The following IFT122 variants were observed in gnomAD, a reference collection of about 807,000 sequenced individuals.
The protein encoded by IFT122 is intraflagellar transport 122, also known as intraflagellar transport protein 122 homolog.
IFT122 carries 118 observed loss-of-function variants against 161.6 expected under a neutral mutation model. The observed-to-expected ratio is 0.73, with a 90% confidence interval of 0.63 to 0.85. IFT122 has a LOEUF of 0.85. IFT122 is among the 40% of genes least tolerant of loss of function. The pLI, the probability that IFT122 is intolerant of heterozygous loss-of-function variation, is 0.00. For synonymous variants in IFT122, 550 were observed against 602.4 expected, an observed-to-expected ratio of 0.91 and a Z score of 1.27; for missense variants, 1,381 against 1,579.6, an observed-to-expected ratio of 0.87 and a Z score of 2.13.
intron 1 of IFT122, among the ~76,000 whole-genome samples, chr3:129,443,384 A>G (rs779429658): frequency 6.6e-6 from 1 of 152,170 alleles, no homozygotes; most frequent in Non-Finnish European, 1.5e-5. Flanking sequence ...TCTTTTATAA[A>G]AAGAGGCAGG....
chr3:129,472,869 C>A (rs1031919920), intron 9 of IFT122, among the ~76,000 whole-genome samples: 3 of 152,144 alleles, frequency 2.0e-5, no homozygotes, highest in Non-Finnish European at 2.9e-5. Context: ...TTCTTAAGCT[C>A]ATTCAGTGTG....
At chr3:129,443,150 C>A (rs2073493451) in intron 1 of IFT122, among the ~76,000 whole-genome samples, 1 of 152,202 alleles carries the variant, frequency 6.6e-6, no homozygotes, top group Non-Finnish European at 1.5e-5. Flanking sequence ...TTGGAATTTT[C>A]ATCTCATTTA....
In IFT122 at chr3:129,464,503, A is replaced by G. The variant is rs1577403267; in HGVS notation, c.417-132A>G. 3.8e-6 allele frequency: 4 copies of G among 1,042,212 alleles called. No homozygotes were observed. In the East Asian group the frequency reaches 7.1e-5, roughly 19 times the overall value. The allele number at this position is 1,042,212 out of a possible 1,614,324, so 64.6% of individuals were successfully genotyped here. A position where few individuals can be genotyped will look rare whatever the true frequency, so the allele number is the denominator to read the frequency against. ...CTCTGACTTTATGTCAGGACCGGCAATAATGAAACCATATCCCAGCTGTTG... is the reference window on the plus strand; with the variant it reads ...CTCTGACTTTATGTCAGGACCGGCAGTAATGAAACCATATCCCAGCTGTTG... On this transcript the variant is annotated intron_variant, in intron 6 of 29. Transcript: ENST00000348417.
intron 13 of IFT122, 154 bp from the exon 14 acceptor site, chr3:129,481,376 T>G: frequency 3.5e-5 from 23 of 661,740 alleles, no homozygotes; most frequent in East Asian, 6.7e-5. Flanking sequence ...CCCACCCCCC[T>G]CTTTCTTTTG....
intron 6 of IFT122, 76 bp from the exon 7 acceptor site, chr3:129,464,559 G>A (rs2076513127): frequency 1.3e-6 from 2 of 1,564,956 alleles, no homozygotes; most frequent in African/African-American, 1.3e-5. Context: ...TTCAAACCAA[G>A]GCATCATCCT....
At chr3:129,444,453 C>T (rs891984624) in intron 1 of IFT122, among the ~76,000 whole-genome samples, 3 of 152,184 alleles carry the variant, frequency 2.0e-5, no homozygotes, top group South Asian at 2.1e-4. Flanking sequence ...TTGGTAAAAT[C>T]GGGGCAGTGG....
At chr3:129,508,062 A>G (rs1427631032) in intron 23 of IFT122, among the ~76,000 whole-genome samples, 1 of 152,194 alleles carries the variant, frequency 6.6e-6, no homozygotes, top group Non-Finnish European at 1.5e-5. Context: ...GAGGGGTGGG[A>G]GTTCCATGAG....
chr3:129,488,493 G>T (rs1451806983), intron 16 of IFT122, 96 bp downstream of exon 16: 21 of 1,529,870 alleles, frequency 1.4e-5, no homozygotes, highest in Non-Finnish European at 1.9e-5. Context: ...GCCATAGACT[G>T]CAGCAGTCTC....
chr3:129,513,886 C>CAAGCG (rs1553772868), intron 24 of IFT122: 45 of 271,924 alleles, frequency 1.7e-4, no homozygotes, highest in African/African-American at 9.7e-4. Context: ...CCCCAGAGCA[C>CAAGCG]AGGCTGCCGC....
In IFT122 at chr3:129,514,676, C is replaced by A. The variant is rs1408704470; in HGVS notation, c.3153+122C>A. The A allele has an allele frequency of 3.1e-5, 36 of 1,152,826 alleles. No homozygotes were observed. The East Asian group carries it at 8.5e-4, about 27-fold the overall frequency. 71.4% of individuals were successfully genotyped at this position (1,152,826 alleles called of 1,614,324 possible). A position where few individuals can be genotyped will look rare whatever the true frequency, so the allele number is the denominator to read the frequency against. Reference sequence around the variant, plus strand: ...GCTGCAGCTCCCTCTAGGCTCTGTGCCCCCTGCTCAAGCCTGGCCATGCCA... The same window carrying A: ...GCTGCAGCTCCCTCTAGGCTCTGTGACCCCTGCTCAAGCCTGGCCATGCCA... On this transcript the variant is annotated intron_variant, in intron 25 of 29. Transcript: ENST00000348417.
intron 16 of IFT122, among the ~76,000 whole-genome samples, chr3:129,491,489 A>G (rs1236719559): frequency 6.6e-6 from 1 of 152,198 alleles, no homozygotes; most frequent in Non-Finnish European, 1.5e-5. Context: ...CATGAGTTAA[A>G]GTCTCTGGCT....
In IFT122 at chr3:129,469,360, C is replaced by G; in HGVS notation, c.759C>G (p.Ile253Met). 1.2e-6 allele frequency: 2 copies of G among 1,614,050 alleles called. No individual in the cohort carries two copies. Among genetic ancestry groups the G allele is most frequent in the Non-Finnish European group, 1.7e-6 (2 of 1,179,930 alleles). ...TGATTAGAGAGGAACGTAATGACAT[C>G]CTGGCTGTGGCTGACTGGGGACAGA... ...RDDNLEERND[I>M]LAVADWGQKV... Residue 253 changes from isoleucine (I) to methionine (M), a missense_variant, in exon 9 of 30, where the codon ATC becomes ATG. Physicochemically the swap from Ile to Met is conservative, Grantham distance 10 (BLOSUM62 1). This residue lies in a region of IFT122 where 544 missense variants were observed against 648.0 expected (regional missense o/e 0.84). Transcript: ENST00000348417.
At chr3:129,452,368 T>C (rs771134246) in intron 3 of IFT122, among the ~76,000 whole-genome samples, 8 of 126,998 alleles carry the variant, frequency 6.3e-5, no homozygotes, top group Non-Finnish European at 9.1e-5. Context: ...ATAACTGTTA[T>C]GGAAGAAGAA....
chr3:129,479,907 G>T lies in IFT122; in HGVS notation c.1473G>T (p.Gly491=). Residue 491 remains glycine (G), a synonymous_variant, in exon 13 of 30, where the codon GGG becomes GGT. Transcript: ENST00000348417. ...GPPGREGLLV[G]LKNGQILKIF... is the part of the protein sequence containing the mutation. ...CTGGAAGAGAAGGCCTCTTAGTGGGGCTGAAGAATGGACAGGTGAGTGCTC... is the reference window on the plus strand; with the variant it reads ...CTGGAAGAGAAGGCCTCTTAGTGGGTCTGAAGAATGGACAGGTGAGTGCTC... The T allele has an allele frequency of 6.2e-7, 1 of 1,613,958 alleles. No homozygotes were observed. The highest frequency in any genetic ancestry group is 8.5e-7 in the Non-Finnish European group (1 of 1,179,978).
chr3:129,518,457 A>G (rs1253995594), intron 27 of IFT122, among the ~76,000 whole-genome samples: 12 of 152,134 alleles, frequency 7.9e-5, no homozygotes, highest in Non-Finnish European at 1.5e-5. Context: ...AGGTGCTGCC[A>G]CCCCCAGGGG....
chr3:129,463,678 C>T, intron 6 of IFT122, 52 bp downstream of exon 6: 1 of 1,411,538 alleles, frequency 7.1e-7, no homozygotes, highest in Non-Finnish European at 1.0e-6. Flanking sequence ...TCCACACAGA[C>T]TCTCAAAATC....
At chr3:129,443,372 T>A (rs2073525238) in intron 1 of IFT122, among the ~76,000 whole-genome samples, 1 of 152,150 alleles carries the variant, frequency 6.6e-6, no homozygotes, top group Admixed American at 6.5e-5. Flanking sequence ...TGACAGTGTA[T>A]CTCTTTTATA....
chr3:129,492,061 T>C, intron 16 of IFT122, 80 bp from the exon 17 acceptor site: 1 of 1,054,098 alleles, frequency 9.5e-7, no homozygotes, highest in Non-Finnish European at 1.5e-6. Flanking sequence ...TAGATAGAGC[T>C]TGACTTCCCA....
intron 1 of IFT122, among the ~76,000 whole-genome samples, chr3:129,449,362 A>T (rs1176481689): frequency 6.6e-6 from 1 of 152,232 alleles, no homozygotes; most frequent in Non-Finnish European, 1.5e-5. Flanking sequence ...AAATGTGAAA[A>T]AAAAATGTAA....
Sources: gnomAD v4.1 joint callset for allele counts (sites outside exome capture counted in the v4.1 genomes callset) on GRCh38, gnomAD v4.1.1 for gene constraint, gnomAD v4.1.1 regional missense constraint, MANE v1.5 for transcripts, NCBI Gene and HGNC (gene_info 2026-07-23, HGNC 2026-07-21) for gene names.